Variants in ATF6 observed in about 807,000 individuals in gnomAD.
ATF6 encodes the protein activating transcription factor 6.
Under a neutral mutation model 83.6 loss-of-function variants are expected in ATF6, and 53 were observed. The ratio of observed to expected loss-of-function variants is 0.63; its 90% confidence interval spans 0.51 to 0.80. The LOEUF is 0.80. Ranked by LOEUF, ATF6 falls within the 30% of genes least tolerant of loss-of-function variation. The pLI is 0.00. For missense variants in ATF6, 744 were observed against 797.9 expected, an observed-to-expected ratio of 0.93 and a Z score of 0.81; for synonymous variants, 288 against 285.8, an observed-to-expected ratio of 1.01 and a Z score of -0.08.
At chr1:161,816,809 C>A (rs143707906) in intron 7 of ATF6, among the ~76,000 whole-genome samples, 13 of 152,152 alleles carry the variant, frequency 8.5e-5, no homozygotes, top group African/African-American at 1.4e-4. Flanking sequence ...CTTCCCCCCA[C>A]TTAAAAAAAT....
intron 9 of ATF6, among the ~76,000 whole-genome samples, chr1:161,837,562 T>C (rs1194315143): frequency 6.6e-6 from 1 of 152,124 alleles, no homozygotes; most frequent in African/African-American, 2.4e-5. Flanking sequence ...CTCAGCCCTT[T>C]CCCAGAATTC....
chr1:161,778,915 A>G (rs901499498), intron 2 of ATF6, among the ~76,000 whole-genome samples: 1 of 152,106 alleles, frequency 6.6e-6, no homozygotes, highest in South Asian at 2.1e-4. Context: ...TCTTTAATGG[A>G]TGAGGTGCTG....
In ATF6 at chr1:161,846,528, G is replaced by C. The variant is rs2101819247; in HGVS notation, c.1267G>C (p.Ala423Pro). The part of the protein sequence containing the change: ...NQRRHLLGFS[A>P]KEAQDTSDGI... ...AAGGAGGCACCTTCTAGGATTTTCT[G>C]CTAAAGAGGCACAGGACACATCAGA... is the stretch of plus-strand genomic sequence containing the variant. The change falls in exon 10 of 16, where the codon GCT becomes CCT. Residue 423 changes from alanine (A) to proline (P), a missense_variant. Physicochemically the swap from Ala to Pro is conservative, Grantham distance 27 (BLOSUM62 -1). Coordinates refer to ENST00000367942, the MANE Select transcript of ATF6 (RefSeq NM_007348.4). The C allele has an allele frequency of 6.2e-7, 1 of 1,611,922 alleles. No homozygotes were observed. The highest frequency in any genetic ancestry group is 2.2e-5 in the East Asian group (1 of 44,774).
At chr1:161,892,876 G>A (rs1687587800) in intron 14 of ATF6, among the ~76,000 whole-genome samples, 1 of 152,158 alleles carries the variant, frequency 6.6e-6, no homozygotes, top group Admixed American at 6.5e-5. Context: ...GACCTCAGGT[G>A]ATCCACCCGC....
chr1:161,842,559 C>T (rs1051639213), intron 9 of ATF6, among the ~76,000 whole-genome samples: 12 of 152,236 alleles, frequency 7.9e-5, no homozygotes, highest in Middle Eastern at 3.4e-3. Context: ...TAATAGCATT[C>T]GCAGCAACCT....
intron 14 of ATF6, among the ~76,000 whole-genome samples, chr1:161,884,039 G>A (rs1170849624): frequency 6.6e-6 from 1 of 152,014 alleles, no homozygotes; most frequent in African/African-American, 2.4e-5. Flanking sequence ...CAGAATTTCT[G>A]TGCATATATG....
At chr1:161,935,869 A>T (rs1276842324) in intron 15 of ATF6, among the ~76,000 whole-genome samples, 2 of 152,230 alleles carry the variant, frequency 1.3e-5, no homozygotes, top group African/African-American at 4.8e-5. Flanking sequence ...GGAATTGATT[A>T]TATTCCATTC....
intron 15 of ATF6, among the ~76,000 whole-genome samples, chr1:161,915,549 C>T (rs1248147037): frequency 6.6e-6 from 1 of 152,176 alleles, no homozygotes; most frequent in Non-Finnish European, 1.5e-5. Flanking sequence ...AAAGACTTTA[C>T]TCTGCATTTA....
rs1236665938 is a variant in ATF6, at chr1:161,819,549, A to T, written c.910-84A>T. 6 of 1,149,354 alleles carry T rather than the reference A, an allele frequency of 5.2e-6. 1 individual carries two copies. In the Admixed American group the frequency reaches 1.8e-4, roughly 35 times the overall value. 71.2% of individuals were successfully genotyped at this position (1,149,354 alleles called of 1,614,324 possible). On this transcript the variant is annotated intron_variant, in intron 7 of 15. Coordinates refer to ENST00000367942, the MANE Select transcript of ATF6 (RefSeq NM_007348.4). ...TGCTTTGAAAAAATTGTTGGTTAAA[A>T]TAATTGTAAAAATGAGTATATTCTG...
At chr1:161,951,292 A>G (rs1326021157) in intron 15 of ATF6, among the ~76,000 whole-genome samples, 2 of 152,214 alleles carry the variant, frequency 1.3e-5, no homozygotes, top group Non-Finnish European at 2.9e-5. Context: ...TTAACAAAGT[A>G]TTGTCTAAAT....
intron 7 of ATF6, among the ~76,000 whole-genome samples, chr1:161,811,526 CTTTATA>C (rs1291671315): frequency 6.6e-6 from 1 of 152,108 alleles, no homozygotes; most frequent in African/African-American, 2.4e-5. Flanking sequence ...ACATGTTAAA[CTTTATA>C]TTTAGTTATA....
intron 12 of ATF6, among the ~76,000 whole-genome samples, chr1:161,856,013 AAG>A (rs528390651): frequency 6.6e-6 from 1 of 152,196 alleles, no homozygotes; most frequent in Non-Finnish European, 1.5e-5. Flanking sequence ...GGAGTCAAGA[AAG>A]AGTTTTATTT....
chr1:161,863,058 TA>T, intron 13 of ATF6, 139 bp from the exon 14 acceptor site: 1 of 518,778 alleles, frequency 1.9e-6, no homozygotes. Flanking sequence ...AATATTGTTA[TA>T]AAAATTACTG....
At chr1:161,785,706 T>C (rs1432091118) in intron 4 of ATF6, among the ~76,000 whole-genome samples, 1 of 152,110 alleles carries the variant, frequency 6.6e-6, no homozygotes, top group Non-Finnish European at 1.5e-5. Context: ...GGGATATATT[T>C]CAAGAGGTGG....
chr1:161,775,398 CT>C, intron 1 of ATF6, among the ~76,000 whole-genome samples: 1 of 152,196 alleles, frequency 6.6e-6, no homozygotes, highest in Admixed American at 6.5e-5. Flanking sequence ...TCAGTTACCA[CT>C]CTAATGGTTG....
intron 1 of ATF6, among the ~76,000 whole-genome samples, chr1:161,770,691 A>G (rs1253553438): frequency 2.0e-5 from 3 of 152,220 alleles, no homozygotes; most frequent in African/African-American, 7.2e-5. Flanking sequence ...GACACAGTTT[A>G]GGCCATAAAT....
chr1:161,925,008 A>G (rs539921292), intron 15 of ATF6, among the ~76,000 whole-genome samples: 21 of 152,200 alleles, frequency 1.4e-4, no homozygotes, highest in Non-Finnish European at 2.5e-4. Context: ...CAATTTGTAA[A>G]TTGTTCCTTT....
intron 4 of ATF6, among the ~76,000 whole-genome samples, chr1:161,786,537 G>A (rs1684751755): frequency 6.6e-6 from 1 of 151,808 alleles, no homozygotes; most frequent in Non-Finnish European, 1.5e-5. Context: ...ACCACTGAGA[G>A]GTTATAAAAT....
At chr1:161,781,154 T>C (rs1334865011) in intron 2 of ATF6, among the ~76,000 whole-genome samples, 1 of 152,246 alleles carries the variant, frequency 6.6e-6, no homozygotes, top group Non-Finnish European at 1.5e-5. Context: ...CACTTCTTTA[T>C]TCATGTATAT....
Sources: gnomAD v4.1 joint callset for allele counts (sites outside exome capture counted in the v4.1 genomes callset) on GRCh38, gnomAD v4.1.1 for gene constraint, MANE v1.5 for transcripts, NCBI Gene and HGNC (gene_info 2026-07-23, HGNC 2026-07-21) for gene names.